Variants in PRKAR1A observed in about 807,000 individuals in gnomAD.
The protein encoded by PRKAR1A is cAMP-dependent protein kinase type I-alpha regulatory subunit.
A neutral mutation model predicts 52.0 loss-of-function variants in PRKAR1A; 3 were observed. The ratio of observed to expected loss-of-function variants is 0.06; its 90% CI spans 0.03 to 0.15. The LOEUF (loss-of-function observed/expected upper bound fraction) is 0.15. PRKAR1A is among the 10% of genes least tolerant of loss of function. The pLI is 1.00. For synonymous variants in PRKAR1A, 188 were observed against 168.4 expected (o/e 1.12, Z -0.90); for missense variants, 240 against 477.4 (o/e 0.50, Z 4.63).
chr17:68,543,582 G>T, intron 11 of PRKAR1A: 1 of 1,551,134 alleles, frequency 6.4e-7, no homozygotes, highest in Non-Finnish European at 8.9e-7. Flanking sequence ...CCCTCCCAGA[G>T]GATTGGTCCT....
chr17:68,533,050 T>A lies in PRKAR1A; in HGVS notation c.*2601T>A, dbSNP rs1348908817. ...GATTTCCTTTTGATTGAAGACAGAT[T>A]GGTTCTGTGGCCTTGGAACTTTCCC... On this transcript the variant is annotated 3_prime_UTR_variant, in exon 11 of 11. Coordinates refer to ENST00000589228, the MANE Select transcript of PRKAR1A (RefSeq NM_002734.5). 1.9e-6 allele frequency: 2 copies of A among 1,065,698 alleles called. No individual in the cohort carries two copies. The highest frequency in any genetic ancestry group is 3.3e-5 in the African/African-American group (2 of 61,108). 66.0% of individuals were successfully genotyped at this position (1,065,698 alleles called of 1,614,324 possible). A position where few individuals can be genotyped will look rare whatever the true frequency, so the allele number is the denominator to read the frequency against.
chr17:68,523,969 C>CTTA, intron 4 of PRKAR1A, 47 bp from the exon 5 acceptor site: 3 of 1,603,668 alleles, frequency 1.9e-6, no homozygotes, highest in Non-Finnish European at 2.6e-6. Flanking sequence ...TTGAAATTCA[C>CTTA]GGAAGAGACA....
chr17:68,533,514 T>C (rs1404744653), downstream of PRKAR1A: 3 of 791,558 alleles, frequency 3.8e-6, no homozygotes, highest in Non-Finnish European at 4.7e-6. Flanking sequence ...GTTTCTTTTA[T>C]TTTTTAATGA....
rs1303569195 is a variant in PRKAR1A at position 68,528,891 on chromosome 17, G to A, written c.791G>A (p.Arg264His). The A allele has an allele frequency of 1.9e-6, 3 of 1,613,948 alleles. No homozygotes were observed. The highest frequency in any genetic ancestry group is 1.7e-6 in the Non-Finnish European group (2 of 1,179,864). Residue 264 changes from arginine (R) to histidine (H), a missense_variant, in exon 9 of 11, where the codon CGT becomes CAT. Coordinates refer to ENST00000589228, the MANE Select transcript of PRKAR1A (RefSeq NM_002734.5). Reference sequence around the variant, plus strand: ...TCAGAGTCTCTGGACAAGTGGGAACGTCTTACGGTAGCTGATGCATTGGAA... The same window carrying A: ...TCAGAGTCTCTGGACAAGTGGGAACATCTTACGGTAGCTGATGCATTGGAA... ...SILESLDKWE[R>H]LTVADALEPV...
chr17:68,513,029 T>C (rs2085314158), intron 1 of PRKAR1A: 1 of 152,226 alleles, frequency 6.6e-6, no homozygotes, highest in Non-Finnish European at 1.5e-5. Flanking sequence ...CAGTAGCCTT[T>C]CCTCTTCATA....
chr17:68,492,829 A>G, the PRKAR1A span, among the ~76,000 whole-genome samples: 28 of 152,202 alleles, frequency 1.8e-4, no homozygotes, highest in Non-Finnish European at 3.5e-4. Context: ...GGTCCCTACA[A>G]AGGACATGAT....
chr17:68,507,117 T>C (rs2085208504), upstream of PRKAR1A, among the ~76,000 whole-genome samples: 1 of 152,234 alleles, frequency 6.6e-6, no homozygotes, highest in South Asian at 2.1e-4. Context: ...AGTGCCAACC[T>C]GGATACATTA....
chr17:68,525,096 T>G, intron 6 of PRKAR1A, 138 bp downstream of exon 6: 1 of 724,024 alleles, frequency 1.4e-6, no homozygotes, highest in Non-Finnish European at 2.4e-6. Flanking sequence ...TTGCCAAGTA[T>G]TTTTATGACA....
chr17:68,439,803 G>A, the PRKAR1A span, among the ~76,000 whole-genome samples: 1 of 152,146 alleles, frequency 6.6e-6, no homozygotes, highest in East Asian at 1.9e-4. Flanking sequence ...TGAAATGAAG[G>A]CTACCGTGAT....
the PRKAR1A span, among the ~76,000 whole-genome samples, chr17:68,503,923 C>T: frequency 1.3e-5 from 2 of 152,160 alleles, no homozygotes; most frequent in Non-Finnish European, 2.9e-5. Flanking sequence ...AAAAGGGAAA[C>T]TTTGTACTCT....
intron 1 of PRKAR1A, chr17:68,513,299 C>T (rs754604878): frequency 6.6e-6 from 1 of 152,236 alleles, no homozygotes; most frequent in Admixed American, 6.5e-5. Context: ...CAGCTCAGAG[C>T]CTGTGGTGAC....
At chr17:68,520,131 G>A (rs2085559758) in intron 2 of PRKAR1A, among the ~76,000 whole-genome samples, 1 of 152,196 alleles carries the variant, frequency 6.6e-6, no homozygotes, top group South Asian at 2.1e-4. Context: ...TGTTCTCAAA[G>A]CAGAGGGAGG....
chr17:68,441,661 G>A, the PRKAR1A span, among the ~76,000 whole-genome samples: 2 of 152,174 alleles, frequency 1.3e-5, no homozygotes, highest in Admixed American at 6.5e-5. Flanking sequence ...AGAGGGCTGC[G>A]GAGTGAGTCT....
At chr17:68,508,564 G>T (rs777552048), upstream of PRKAR1A, among the ~76,000 whole-genome samples, 18 of 152,130 alleles carry the variant, frequency 1.2e-4, no homozygotes, top group Non-Finnish European at 2.1e-4. Flanking sequence ...AAAAACTATT[G>T]GGTACTATGC....
the PRKAR1A span, among the ~76,000 whole-genome samples, chr17:68,480,636 C>G: frequency 1.3e-5 from 2 of 152,208 alleles, no homozygotes; most frequent in Non-Finnish European, 2.9e-5. Flanking sequence ...CAGCCTCAAC[C>G]TCCTGGGCTC....
chr17:68,445,757 G>A, the PRKAR1A span, among the ~76,000 whole-genome samples: 1 of 152,220 alleles, frequency 6.6e-6, no homozygotes, highest in Non-Finnish European at 1.5e-5. Flanking sequence ...TGCTGGTGAG[G>A]AGGTGTCAGG....
chr17:68,447,553 T>C, the PRKAR1A span, among the ~76,000 whole-genome samples: 1,232 of 152,156 alleles, frequency 8.1e-3, 21 homozygotes, highest in African/African-American at 0.026. Flanking sequence ...AGCTAATTTA[T>C]TTTTATAGTA....
chr17:68,518,112 G>A (rs902765420), intron 2 of PRKAR1A, among the ~76,000 whole-genome samples: 1 of 152,258 alleles, frequency 6.6e-6, no homozygotes, highest in Admixed American at 6.5e-5. Context: ...CTGTGGCTTT[G>A]CAGGGTACAG....
At chr17:68,514,746 A>G (rs1466652260) in intron 1 of PRKAR1A, 1 of 152,180 alleles carries the variant, frequency 6.6e-6, no homozygotes, top group Admixed American at 6.5e-5. Context: ...TCCTTCTTTT[A>G]CCACTAGTGT....
Sources: gnomAD v4.1 joint callset for allele counts (sites outside exome capture counted in the v4.1 genomes callset) on GRCh38, gnomAD v4.1.1 for gene constraint, MANE v1.5 for transcripts, NCBI Gene and HGNC (gene_info 2026-07-23, HGNC 2026-07-21) for gene names.